Variants in RAB37 observed in about 807,000 individuals in gnomAD.
The protein encoded by RAB37 is ras-related protein Rab-37.
Under a neutral mutation model 33.1 loss-of-function variants are expected in RAB37, and 29 were observed. The ratio of observed to expected loss-of-function variants is 0.88; its 90% confidence interval spans 0.65 to 1.20. RAB37 has a LOEUF of 1.20. RAB37 is among the 50% of genes most tolerant of loss of function. The pLI, the probability that RAB37 is intolerant of heterozygous loss-of-function variation, is 0.00. For synonymous variants in RAB37, 128 were observed against 119.5 expected, an observed-to-expected ratio of 1.07 and a Z score of -0.47; for missense variants, 299 against 301.1, an observed-to-expected ratio of 0.99 and a Z score of 0.05.
intron 1 of RAB37, among the ~76,000 whole-genome samples, chr17:74,703,671 G>C (rs951913211): frequency 6.6e-6 from 1 of 152,178 alleles, no homozygotes; most frequent in African/African-American, 2.4e-5. Context: ...GACAATGCAC[G>C]TTCAGCACTT....
At chr17:74,737,091 C>T, upstream of RAB37, 1 of 1,605,364 alleles carries the variant, frequency 6.2e-7, no homozygotes, top group South Asian at 1.1e-5. Context: ...GACCCTGCGG[C>T]TCTGCGTGCC....
chr17:74,719,222 T>C (rs2034207151), intron 1 of RAB37, among the ~76,000 whole-genome samples: 1 of 152,034 alleles, frequency 6.6e-6, no homozygotes, highest in Non-Finnish European at 1.5e-5. Context: ...CCAAGATGGG[T>C]GGATTACTTG....
intron 1 of RAB37, among the ~76,000 whole-genome samples, chr17:74,711,906 C>CTTTTTTTTTTTT (rs71361629): frequency 8.1e-6 from 1 of 123,670 alleles, no homozygotes; most frequent in African/African-American, 3.0e-5. Context: ...TTTCTTTTTT[C>CTTTTTTTTTTTT]TTTTTTTTTT....
chr17:74,714,591 C>T (rs1163226095), intron 1 of RAB37, among the ~76,000 whole-genome samples: 1 of 152,130 alleles, frequency 6.6e-6, no homozygotes, highest in East Asian at 1.9e-4. Flanking sequence ...CTGGAATCTT[C>T]CAGAAACCTG....
chr17:74,720,684 A>G (rs1031452514), intron 1 of RAB37, among the ~76,000 whole-genome samples: 3 of 152,204 alleles, frequency 2.0e-5, no homozygotes, highest in African/African-American at 7.2e-5. Flanking sequence ...CGGAGAGTCA[A>G]GGTGACAGCC....
At chr17:74,722,155 C>G (rs962760411) in intron 1 of RAB37, among the ~76,000 whole-genome samples, 3 of 151,830 alleles carry the variant, frequency 2.0e-5, no homozygotes, top group Admixed American at 6.6e-5. Flanking sequence ...TGGTGGCGGG[C>G]GCCTGTAGTC....
intron 1 of RAB37, among the ~76,000 whole-genome samples, chr17:74,706,123 C>G (rs962711966): frequency 6.6e-6 from 1 of 151,992 alleles, no homozygotes; most frequent in African/African-American, 2.4e-5. Context: ...GGGAAGGGAG[C>G]AAGCACTGAA....
chr17:74,694,992 A>G, intron 1 of RAB37: 2 of 1,283,818 alleles, frequency 1.6e-6, no homozygotes, highest in Non-Finnish European at 2.2e-6. Context: ...AGGCAGAGGC[A>G]CCAGTCCCCG....
intron 1 of RAB37, chr17:74,673,064 TAGA>T (rs2031740890): frequency 6.6e-6 from 1 of 152,178 alleles, no homozygotes; most frequent in African/African-American, 2.4e-5. Flanking sequence ...TGAAGTAAAC[TAGA>T]AGAAATTCTG....
chr17:74,720,857 T>C (rs1439736952), intron 1 of RAB37, among the ~76,000 whole-genome samples: 6 of 151,992 alleles, frequency 3.9e-5, no homozygotes, highest in Non-Finnish European at 8.8e-5. Flanking sequence ...ATGCGGAGAT[T>C]TTATTAAGCG....
At chr17:74,740,685 T>C (rs1271158879) in intron 1 of RAB37, 83 bp from the exon 2 acceptor site, 5 of 997,892 alleles carry the variant, frequency 5.0e-6, no homozygotes, top group Non-Finnish European at 7.9e-6. Flanking sequence ...CCCTCTTCTC[T>C]GATCCTCTCC....
At chr17:74,726,277 T>C (rs1320427751) in intron 1 of RAB37, among the ~76,000 whole-genome samples, 1 of 147,672 alleles carries the variant, frequency 6.8e-6, no homozygotes, top group Non-Finnish European at 1.5e-5. Context: ...GAGAGGATCA[T>C]CCTGCCCCAC....
At chr17:74,701,803 T>C (rs2143706308) in intron 1 of RAB37, among the ~76,000 whole-genome samples, 1 of 149,166 alleles carries the variant, frequency 6.7e-6, no homozygotes, top group East Asian at 2.0e-4. Flanking sequence ...TGAGCTGAGA[T>C]TATACTACTG....
upstream of RAB37, among the ~76,000 whole-genome samples, chr17:74,732,705 G>GGTGAGGT (rs2034405405): frequency 1.4e-3 from 78 of 55,384 alleles, no homozygotes; most frequent in Middle Eastern, 0.012. Context: ...TGATTTGAGG[G>GGTGAGGT]GTGTGTGGTG....
At chr17:74,728,570 T>C (rs943257176) in intron 1 of RAB37, among the ~76,000 whole-genome samples, 3 of 152,012 alleles carry the variant, frequency 2.0e-5, no homozygotes, top group African/African-American at 7.2e-5. Flanking sequence ...TTCTGCATCA[T>C]GTGTGTTCTG....
In RAB37 at chr17:74,745,355, A is replaced by G. The variant is rs771915095; in HGVS notation, c.616A>G (p.Ile206Val). The change falls in exon 9 of 9, where the codon ATC (isoleucine) becomes GTC (valine). Residue 206 changes from isoleucine to valine, a missense_variant. Coordinates refer to ENST00000392613, the MANE Select transcript of RAB37 (RefSeq NM_001006638.3). This position sits in a 1 kb window ranked among gnomAD's most constrained non-coding sequence, Gnocchi z 4.5. ...TCAGGCGGATGAGCCCAGCTTCCAG[A>G]TCCGAGACTATGTAGAGTCCCAGAA... ...GHQADEPSFQ[I>V]RDYVESQKKR... 39 of 1,614,030 alleles carry G rather than the reference A, an allele frequency of 2.4e-5. No homozygotes were observed. The Admixed American group carries it at 6.2e-4, about 26-fold the overall frequency.
At chr17:74,689,629 T>C (rs1037958189) in intron 1 of RAB37, among the ~76,000 whole-genome samples, 1 of 152,174 alleles carries the variant, frequency 6.6e-6, no homozygotes. Flanking sequence ...CTAAAAAAAA[T>C]GTGCCTACTT....
At chr17:74,737,087 G>GC, upstream of RAB37, 1 of 1,605,994 alleles carries the variant, frequency 6.2e-7, no homozygotes, top group Non-Finnish European at 8.5e-7. Flanking sequence ...CGCAGACCCT[G>GC]CGGCTCTGCG....
In RAB37 at chr17:74,746,680, G is replaced by A. The variant is rs2034767910; in HGVS notation, c.*1269G>A. The A allele has an allele frequency of 6.6e-6, 1 of 152,178 alleles. No homozygotes were observed. The highest frequency in any genetic ancestry group is 1.5e-5 in the Non-Finnish European group (1 of 68,044). The allele number at this position is 152,178 out of a possible 1,614,324, so 9.4% of individuals were successfully genotyped here. ...GTTGTGAAAAAAAAGAGAAATCCCT[G>A]GCTCCTGGAGCTGGTGGGAGACAAG... is the stretch of plus-strand genomic sequence containing the variant. On this transcript the variant is annotated 3_prime_UTR_variant, in exon 9 of 9. Coordinates refer to ENST00000392613, the MANE Select transcript of RAB37 (RefSeq NM_001006638.3). The surrounding 1 kb of genome is among the most constrained non-coding windows in gnomAD (Gnocchi z 5.2).
Sources: allele counts gnomAD v4.1 joint callset (sites outside exome capture counted in the v4.1 genomes callset), GRCh38; gene constraint gnomAD v4.1.1; non-coding constraint Gnocchi (gnomAD v3.1); transcripts MANE v1.5; gene names NCBI Gene and HGNC (gene_info 2026-07-23, HGNC 2026-07-21).